Variants in HACL1 observed in about 807,000 individuals in gnomAD.
HACL1 encodes 2-hydroxyacyl-CoA lyase 1.
Under a neutral mutation model 74.2 loss-of-function variants are expected in HACL1, and 64 were observed. The ratio of observed to expected loss-of-function variants is 0.86; its 90% CI spans 0.70 to 1.06. The LOEUF (loss-of-function observed/expected upper bound fraction) is 1.06. Ranked by LOEUF, HACL1 falls within the 50% of genes least tolerant of loss-of-function variation. The pLI, the probability that HACL1 is intolerant of heterozygous loss-of-function variation, is 0.00. For synonymous variants in HACL1, 230 were observed against 238.8 expected, an observed-to-expected ratio of 0.96 and a Z score of 0.34; for missense variants, 728 against 719.7, an observed-to-expected ratio of 1.01 and a Z score of -0.13.
chr3:15,593,796 CTT>C (rs1322426326), intron 3 of HACL1, among the ~76,000 whole-genome samples: 7 of 111,328 alleles, frequency 6.3e-5, no homozygotes, highest in Middle Eastern at 4.8e-3. Context: ...TTTTTTTTGT[CTT>C]TTTTTTTTTT....
chr3:15,577,026 C>G (rs1234949874), intron 9 of HACL1, among the ~76,000 whole-genome samples: 2 of 152,112 alleles, frequency 1.3e-5, no homozygotes, highest in Non-Finnish European at 2.9e-5. Flanking sequence ...ATATTATCCT[C>G]TTAAAATCTG....
At chr3:15,591,748 G>T in intron 3 of HACL1, 68 bp from the exon 4 acceptor site, 1 of 957,250 alleles carries the variant, frequency 1.0e-6, no homozygotes, top group Non-Finnish European at 1.6e-6. Flanking sequence ...ACTTTAGTGT[G>T]AAACATGGCA....
At chr3:15,600,926 T>C in intron 2 of HACL1, 164 bp downstream of exon 2, 1 of 628,684 alleles carries the variant, frequency 1.6e-6, no homozygotes, top group Non-Finnish European at 2.9e-6. Flanking sequence ...TCTTTTCTCA[T>C]CTGTCAACTT....
rs139386560 is a variant in HACL1, at chr3:15,577,260, G to C, written c.804-2178C>G. On this transcript the variant is annotated intron_variant, in intron 9 of 16. Coordinates refer to ENST00000321169, the MANE Select transcript of HACL1 (RefSeq NM_012260.4). The stretch of plus-strand genomic sequence containing the variant: ...AGCACTTTGGGAGGCCAAGGTGGAA[G>C]GATCACTTGAGCCTAGGGGTCTGAG... 2.0e-5 allele frequency among the ~76,000 whole-genome samples: 3 copies of C among 152,212 alleles called. No individual in the cohort carries two copies. In the East Asian group the frequency reaches 5.8e-4, roughly 29 times the overall value.
At chr3:15,595,281 AAC>A (rs1311567745) in intron 3 of HACL1, among the ~76,000 whole-genome samples, 1 of 152,236 alleles carries the variant, frequency 6.6e-6, no homozygotes, top group Admixed American at 6.5e-5. Context: ...AGCGGCAGAA[AAC>A]AGTGACAATA....
At chr3:15,574,209 A>C (rs573790963) in intron 10 of HACL1, among the ~76,000 whole-genome samples, 1 of 152,354 alleles carries the variant, frequency 6.6e-6, no homozygotes, top group Admixed American at 6.5e-5. Context: ...TCTTTACAAA[A>C]AAATTAAAAT....
intron 7 of HACL1, among the ~76,000 whole-genome samples, chr3:15,583,192 TA>T (rs2063741463): frequency 6.6e-6 from 1 of 152,256 alleles, no homozygotes; most frequent in Non-Finnish European, 1.5e-5. Flanking sequence ...TGAACTATTT[TA>T]AAGTAAATAG....
At chr3:15,567,209 T>G (rs1383784980) in intron 14 of HACL1, among the ~76,000 whole-genome samples, 4 of 128,096 alleles carry the variant, frequency 3.1e-5, no homozygotes, top group African/African-American at 1.3e-4. Context: ...ATGCTGCCTT[T>G]TTTTTTTTTT....
intron 2 of HACL1, among the ~76,000 whole-genome samples, chr3:15,596,757 A>C (rs1485015971): frequency 6.6e-6 from 1 of 152,070 alleles, no homozygotes. Flanking sequence ...TGAGGGGTTT[A>C]TCAAATTTAT....
intron 2 of HACL1, chr3:15,600,684 G>T: frequency 5.0e-6 from 1 of 199,724 alleles, no homozygotes; most frequent in Admixed American, 5.2e-5. Flanking sequence ...TCTTATGCAG[G>T]CACCACACTA....
intron 6 of HACL1, among the ~76,000 whole-genome samples, chr3:15,585,662 C>T (rs1208734158): frequency 6.6e-6 from 1 of 152,192 alleles, no homozygotes; most frequent in Non-Finnish European, 1.5e-5. Context: ...TCATCTGCTT[C>T]CTAATCTTAG....
At chr3:15,588,507 G>A (rs974994694) in intron 5 of HACL1, among the ~76,000 whole-genome samples, 2 of 152,018 alleles carry the variant, frequency 1.3e-5, no homozygotes, top group African/African-American at 4.8e-5. Flanking sequence ...GTGGGAGGAT[G>A]GCTTAAGCCT....
chr3:15,574,950 G>T, intron 10 of HACL1, 27 bp downstream of exon 10: 1 of 1,009,808 alleles, frequency 9.9e-7, no homozygotes. Context: ...AGACATTTCT[G>T]ATTTTAAGTT....
intron 2 of HACL1, among the ~76,000 whole-genome samples, chr3:15,597,581 A>C (rs2064090158): frequency 1.3e-5 from 2 of 151,264 alleles, no homozygotes; most frequent in African/African-American, 4.9e-5. Flanking sequence ...TTCAGCTTTA[A>C]ATGAAGTAGT....
intron 3 of HACL1, among the ~76,000 whole-genome samples, chr3:15,595,713 C>G (rs184016064): frequency 6.7e-6 from 1 of 149,418 alleles, no homozygotes; most frequent in Non-Finnish European, 1.5e-5. Context: ...GGGTTCAAGC[C>G]GATTCTCCTG....
Position 15,579,900 on chromosome 3 carries a change from T to A in HACL1, c.803+10A>T. ...AAGCCATTGTATTTAAAATCTGGAATGCCACACACCTGGATCTGGCTGCAC... is the reference window on the plus strand; with the variant it reads ...AAGCCATTGTATTTAAAATCTGGAAAGCCACACACCTGGATCTGGCTGCAC... On this transcript the variant is annotated intron_variant, in intron 9 of 16. Coordinates refer to ENST00000321169, the MANE Select transcript of HACL1 (RefSeq NM_012260.4). 1.3e-6 allele frequency: 2 copies of A among 1,550,440 alleles called. No homozygotes were observed. Among genetic ancestry groups the A allele is most frequent in the African/African-American group, 1.4e-5 (1 of 71,488 alleles).
chr3:15,590,521 C>T (rs1210639721), intron 4 of HACL1, among the ~76,000 whole-genome samples: 1 of 152,208 alleles, frequency 6.6e-6, no homozygotes, highest in Non-Finnish European at 1.5e-5. Context: ...CCTAACCCCC[C>T]TCAACCTGAT....
intron 9 of HACL1, among the ~76,000 whole-genome samples, chr3:15,579,273 T>G (rs776703774): frequency 5.3e-5 from 8 of 152,032 alleles, no homozygotes; most frequent in Non-Finnish European, 7.4e-5. Context: ...GAAAAGATAA[T>G]GAATAGATGC....
intron 11 of HACL1, among the ~76,000 whole-genome samples, chr3:15,572,578 T>C (rs1282428245): frequency 6.6e-6 from 1 of 152,234 alleles, no homozygotes; most frequent in African/African-American, 2.4e-5. Context: ...TGATTTAATA[T>C]GTGATTCAAG....
Sources: gnomAD v4.1 joint callset for allele counts (sites outside exome capture counted in the v4.1 genomes callset) on GRCh38, gnomAD v4.1.1 for gene constraint, MANE v1.5 for transcripts, NCBI Gene and HGNC (gene_info 2026-07-23, HGNC 2026-07-21) for gene names.